The following PDLIM5 variants were observed in gnomAD, a reference collection of about 807,000 sequenced individuals.
PDLIM5 encodes PDZ and LIM domain protein 5.
Under a neutral mutation model 64.2 loss-of-function variants are expected in PDLIM5, and 34 were observed. The ratio of observed to expected loss-of-function variants is 0.53; its 90% confidence interval spans 0.40 to 0.71. The LOEUF (loss-of-function observed/expected upper bound fraction) is 0.71, where lower values mean the gene tolerates loss of function less well. Among genes scored for constraint, PDLIM5 ranks in the 30% least tolerant of loss-of-function variants. PDLIM5 has a pLI of 0.00. For synonymous variants in PDLIM5, 253 were observed against 269.1 expected (o/e 0.94, Z 0.59); for missense variants, 683 against 733.6 (o/e 0.93, Z 0.80).
intron 3 of PDLIM5, among the ~76,000 whole-genome samples, chr4:94,550,382 A>C (rs761871307): frequency 6.6e-5 from 10 of 152,204 alleles, no homozygotes; most frequent in Non-Finnish European, 1.5e-4. Flanking sequence ...AATAACAGAA[A>C]ATGAGAAATT....
chr4:94,540,038 C>G (rs1198731087), intron 3 of PDLIM5, among the ~76,000 whole-genome samples: 1 of 151,784 alleles, frequency 6.6e-6, no homozygotes, highest in African/African-American at 2.4e-5. Flanking sequence ...ACTTATAGAG[C>G]AGGTAATGTG....
At chr4:94,646,420 G>A (rs1264529659) in intron 9 of PDLIM5, among the ~76,000 whole-genome samples, 3 of 152,148 alleles carry the variant, frequency 2.0e-5, no homozygotes, top group African/African-American at 7.2e-5. Context: ...TTGACATCTT[G>A]GTCTTGAACT....
chr4:94,569,053 C>G (rs771899451), intron 3 of PDLIM5, among the ~76,000 whole-genome samples: 5 of 152,048 alleles, frequency 3.3e-5, no homozygotes, highest in African/African-American at 1.2e-4. Flanking sequence ...TGACACGATT[C>G]TATATAATTT....
intron 3 of PDLIM5, among the ~76,000 whole-genome samples, chr4:94,563,060 T>C (rs1486576926): frequency 6.6e-6 from 1 of 152,144 alleles, no homozygotes; most frequent in African/African-American, 2.4e-5. Flanking sequence ...TAAAGATTAT[T>C]AATAAACAGT....
chr4:94,452,196 C>G (rs529535664), intron 1 of PDLIM5, among the ~76,000 whole-genome samples: 1 of 152,270 alleles, frequency 6.6e-6, no homozygotes, highest in South Asian at 2.1e-4. Flanking sequence ...AAGGAGCGCC[C>G]GGAAAAGGGC....
intron 2 of PDLIM5, among the ~76,000 whole-genome samples, chr4:94,520,003 G>C (rs1729690022): frequency 6.6e-6 from 1 of 152,114 alleles, no homozygotes; most frequent in Non-Finnish European, 1.5e-5. Flanking sequence ...ACTGATATTA[G>C]ATCCTTTCGT....
rs1264294213 is a variant in PDLIM5 at position 94,570,023 on chromosome 4, C to T, written c.249-3328C>T. Among the ~76,000 whole-genome samples, 11 of 152,246 alleles carry T rather than the reference C, an allele frequency of 7.2e-5. No homozygotes were observed. In the South Asian group the frequency reaches 2.3e-3, roughly 32 times the overall value. ...TTCTTCTCAAACCCTAATAAACCTT[C>T]ATGGCCACCTGAAAAGGATTATTGC... On this transcript the variant is annotated intron_variant, in intron 3 of 12. Transcript: ENST00000317968.
rs758864697 is a variant in PDLIM5, at chr4:94,575,802, C to T, written c.478C>T (p.His160Tyr). 1 of 1,614,166 alleles carries T rather than the reference C, an allele frequency of 6.2e-7. No individual in the cohort carries two copies. The highest frequency in any genetic ancestry group is 2.2e-5 in the East Asian group (1 of 44,876). Residue 160 changes from histidine (H) to tyrosine (Y), a missense_variant, in exon 5 of 13, where the codon CAT (histidine) becomes TAT (tyrosine). Physicochemically the swap from His to Tyr is moderately conservative, Grantham distance 83. Transcript: ENST00000317968. ...FTPAHATTSSHASPSPVAAVT... is the reference protein window; with the variant it reads ...FTPAHATTSSYASPSPVAAVT... ...CCCAGCCCATGCGACCACCTCATCA[C>T]ATGCTTCCCCTTCACCCGTGGCTGC... is the stretch of plus-strand genomic sequence containing the variant.
intron 2 of PDLIM5, among the ~76,000 whole-genome samples, chr4:94,473,720 C>G (rs1725080746): frequency 1.3e-5 from 2 of 152,172 alleles, no homozygotes; most frequent in East Asian, 1.9e-4. Flanking sequence ...TATTTTCTCT[C>G]AAGTTTGAAG....
intron 3 of PDLIM5, among the ~76,000 whole-genome samples, chr4:94,557,028 T>TA (rs1422817321): frequency 6.6e-6 from 1 of 152,236 alleles, no homozygotes; most frequent in Non-Finnish European, 1.5e-5. Flanking sequence ...CTAGGGTTTT[T>TA]ATGGTTGTAG....
rs1338746562 is a variant in PDLIM5, at chr4:94,665,463, G to A, written c.*1396G>A. On this transcript the variant is annotated 3_prime_UTR_variant, in exon 13 of 13. Transcript: ENST00000317968. ...ACCACTGCACTCCAGCCTGGTGACA[G>A]AGCAAGACTCCGGCTCTTAAAAAAA... is the stretch of plus-strand genomic sequence containing the variant. 1.4e-5 allele frequency: 11 copies of A among 802,590 alleles called. No homozygotes were observed. Among genetic ancestry groups the A allele is most frequent in the African/African-American group, 4.7e-5 (2 of 42,972 alleles). 49.7% of individuals were successfully genotyped at this position (802,590 alleles called of 1,614,324 possible). A position where few individuals can be genotyped will look rare whatever the true frequency, so the allele number is the denominator to read the frequency against.
rs771078099 is a variant in PDLIM5 at position 94,640,369 on chromosome 4, A to C, written c.1202A>C (p.Gln401Pro). ...SALGQTQPSD[Q>P]DTLVQRAEHI... is the part of the protein sequence containing the mutation. ...TTGGGACAAACCCAGCCAAGTGACC[A>C]GGACACTTTAGTGCAAAGAGCTGAG... The change falls in exon 9 of 13, where the codon CAG becomes CCG. Residue 401 changes from glutamine (Q) to proline (P), a missense_variant. Coordinates refer to ENST00000317968, the MANE Select transcript of PDLIM5 (RefSeq NM_006457.5). 1.9e-6 allele frequency: 3 copies of C among 1,612,962 alleles called. No individual in the cohort carries two copies. In the East Asian group the frequency reaches 6.7e-5, roughly 36 times the overall value.
chr4:94,478,960 C>T (rs1233606524), intron 2 of PDLIM5, among the ~76,000 whole-genome samples: 5 of 132,892 alleles, frequency 3.8e-5, no homozygotes, highest in Admixed American at 1.7e-4. Flanking sequence ...AGTGCAGTGG[C>T]GCTATCACAG....
chr4:94,649,441 C>G (rs903873786), intron 9 of PDLIM5, among the ~76,000 whole-genome samples: 1 of 152,182 alleles, frequency 6.6e-6, no homozygotes, highest in African/African-American at 2.4e-5. Flanking sequence ...CCCATTTCAT[C>G]CCTACTTCCT....
chr4:94,494,409 C>T (rs1401107353), intron 2 of PDLIM5, among the ~76,000 whole-genome samples: 4 of 100,736 alleles, frequency 4.0e-5, no homozygotes, highest in Non-Finnish European at 9.3e-5. Context: ...TTATCCTGAG[C>T]ATTCACTAAT....
chr4:94,645,965 T>G (rs1361515900), intron 9 of PDLIM5, among the ~76,000 whole-genome samples: 1 of 152,186 alleles, frequency 6.6e-6, no homozygotes, highest in Non-Finnish European at 1.5e-5. Context: ...TATTCTCATC[T>G]CCCCTCTAAA....
chr4:94,475,466 T>C (rs1181218668), intron 2 of PDLIM5, among the ~76,000 whole-genome samples: 1 of 152,244 alleles, frequency 6.6e-6, no homozygotes, highest in Non-Finnish European at 1.5e-5. Context: ...TTGAGTTTCA[T>C]GGTCAATGTG....
chr4:94,583,823 A>T (rs1437642736), intron 5 of PDLIM5, among the ~76,000 whole-genome samples: 1 of 152,222 alleles, frequency 6.6e-6, no homozygotes, highest in African/African-American at 2.4e-5. Context: ...AAAAGAATAC[A>T]TTATGATGAT....
At chr4:94,535,573 C>T (rs1578327167) in intron 3 of PDLIM5, among the ~76,000 whole-genome samples, 1 of 152,100 alleles carries the variant, frequency 6.6e-6, no homozygotes, top group Admixed American at 6.5e-5. Flanking sequence ...GCCACCTGTT[C>T]ATTAGCCTTT....
Sources: allele counts gnomAD v4.1 joint callset (sites outside exome capture counted in the v4.1 genomes callset), GRCh38; gene constraint gnomAD v4.1.1; transcripts MANE v1.5; gene names NCBI Gene and HGNC (gene_info 2026-07-23, HGNC 2026-07-21).